The following PRKD1 variants were observed in gnomAD, a reference collection of about 807,000 sequenced individuals.
The protein encoded by PRKD1 is serine/threonine-protein kinase D1.
A neutral mutation model predicts 95.9 loss-of-function variants in PRKD1; 63 were observed. The observed-to-expected ratio is 0.66, with a 90% confidence interval of 0.54 to 0.81. The LOEUF is 0.81. PRKD1 is among the 30% of genes least tolerant of loss of function. The pLI is 0.00. For missense variants in PRKD1, 1,048 were observed against 1,165.3 expected (o/e 0.90, Z 1.47); for synonymous variants, 425 against 423.1 (o/e 1.00, Z -0.05).
chr14:29,656,559 A>T, intron 4 of PRKD1: 1 of 1,487,500 alleles, frequency 6.7e-7, no homozygotes, highest in Non-Finnish European at 9.1e-7. Flanking sequence ...AAGGAGAAAA[A>T]GACAGGAAAA....
intron 1 of PRKD1, among the ~76,000 whole-genome samples, chr14:29,858,889 A>G (rs975612407): frequency 3.9e-5 from 6 of 152,192 alleles, no homozygotes; most frequent in African/African-American, 9.6e-5. Context: ...TATTGCACCT[A>G]TAAGTGTCTG....
At position 29,599,833 on chromosome 14, in the gene PRKD1, A is replaced by G; in HGVS notation, c.1906-16T>C. The stretch of plus-strand genomic sequence containing the variant: ...GATGAAGGTTCTATTAAAGATAAAT[A>G]AAGCACTTGAAGAAAATGAGTTTTT... On this transcript the variant is annotated splice_polypyrimidine_tract_variant and intron_variant, in intron 13 of 17. Coordinates refer to ENST00000331968, the MANE Select transcript of PRKD1 (RefSeq NM_002742.3). 1 of 1,593,938 alleles carries G rather than the reference A, an allele frequency of 6.3e-7. No individual in the cohort carries two copies. The highest frequency in any genetic ancestry group is 8.5e-7 in the Non-Finnish European group (1 of 1,173,494).
chr14:29,665,881 C>T (rs558456252), intron 3 of PRKD1, among the ~76,000 whole-genome samples, 196 bp downstream of exon 3: 3 of 151,888 alleles, frequency 2.0e-5, no homozygotes, highest in East Asian at 1.9e-4. Flanking sequence ...CTCAACCAAA[C>T]GAGTGGATGA....
chr14:29,586,171 C>T (rs1159906683), intron 16 of PRKD1, among the ~76,000 whole-genome samples: 1 of 152,012 alleles, frequency 6.6e-6, no homozygotes, highest in Non-Finnish European at 1.5e-5. Flanking sequence ...CCCAAAGGGT[C>T]CTTGAATAGA....
intron 1 of PRKD1, among the ~76,000 whole-genome samples, chr14:29,847,858 C>T (rs947628598): frequency 1.3e-5 from 2 of 151,902 alleles, no homozygotes; most frequent in Non-Finnish European, 2.9e-5. Flanking sequence ...TGCATGCATG[C>T]GTGTTCTCTC....
At chr14:29,780,263 G>A (rs933095752) in intron 1 of PRKD1, among the ~76,000 whole-genome samples, 1 of 152,116 alleles carries the variant, frequency 6.6e-6, no homozygotes, top group East Asian at 1.9e-4. Flanking sequence ...AAAAGCAATG[G>A]CAACAAAAGC....
intron 2 of PRKD1, among the ~76,000 whole-genome samples, chr14:29,677,929 T>C (rs1883328853): frequency 6.6e-6 from 1 of 152,224 alleles, no homozygotes; most frequent in Non-Finnish European, 1.5e-5. Flanking sequence ...TATGATGCTG[T>C]TGATTTGAGT....
At chr14:29,917,852 GA>G (rs1018709994) in intron 1 of PRKD1, among the ~76,000 whole-genome samples, 1 of 151,892 alleles carries the variant, frequency 6.6e-6, no homozygotes, top group South Asian at 2.1e-4. Flanking sequence ...TTGGACTGAT[GA>G]AAAAAATGTG....
intron 1 of PRKD1, among the ~76,000 whole-genome samples, chr14:29,810,852 G>A (rs1207924478): frequency 6.6e-6 from 1 of 152,192 alleles, no homozygotes; most frequent in Non-Finnish European, 1.5e-5. Flanking sequence ...TTGCCAGCTG[G>A]GCAGTTTGCC....
chr14:29,628,870 ACTAAT>A (rs45601933), intron 11 of PRKD1, among the ~76,000 whole-genome samples, 166 bp downstream of exon 11: 48,288 of 151,352 alleles, frequency 0.32, 8,999 homozygotes, highest in African/African-American at 0.52. Context: ...TAGAAAAATT[ACTAAT>A]CTATATAATT....
chr14:29,706,890 T>A (rs1009418275), intron 2 of PRKD1, among the ~76,000 whole-genome samples: 4 of 152,126 alleles, frequency 2.6e-5, no homozygotes, highest in Non-Finnish European at 5.9e-5. Flanking sequence ...GAAGGATATA[T>A]GTGCTGAGTC....
At chr14:29,896,720 TAAA>T (rs34261706) in intron 1 of PRKD1, among the ~76,000 whole-genome samples, 3,801 of 134,074 alleles carry the variant, frequency 0.028, 68 homozygotes, top group Non-Finnish European at 0.047. Flanking sequence ...ATTAAACAGT[TAAA>T]AAAAAAAAAA....
At chr14:29,626,338 T>G in intron 12 of PRKD1, 146 bp downstream of exon 12, 1 of 661,330 alleles carries the variant, frequency 1.5e-6, no homozygotes. Flanking sequence ...CAAAAAAATT[T>G]TTTAAACGCA....
At chr14:29,587,731 TA>T (rs1262917131) in intron 16 of PRKD1, among the ~76,000 whole-genome samples, 1 of 152,210 alleles carries the variant, frequency 6.6e-6, no homozygotes. Flanking sequence ...GGTATATATG[TA>T]AAAAAATCAC....
At chr14:29,691,842 CA>C (rs1426413546) in intron 2 of PRKD1, among the ~76,000 whole-genome samples, 1 of 151,942 alleles carries the variant, frequency 6.6e-6, no homozygotes, top group Admixed American at 6.6e-5. Context: ...TTGTCGTCAC[CA>C]TATCACAAAC....
intron 1 of PRKD1, among the ~76,000 whole-genome samples, chr14:29,886,630 CTT>C (rs1198922173): frequency 2.6e-5 from 4 of 152,314 alleles, no homozygotes; most frequent in African/African-American, 7.2e-5. Flanking sequence ...AATGAAAAAA[CTT>C]ATTCTATCAC....
intron 2 of PRKD1, among the ~76,000 whole-genome samples, chr14:29,688,761 A>C (rs1325394835): frequency 6.6e-6 from 1 of 151,852 alleles, no homozygotes; most frequent in East Asian, 1.9e-4. Flanking sequence ...GTGAAACCTC[A>C]TCTCTACTAA....
intron 2 of PRKD1, among the ~76,000 whole-genome samples, chr14:29,682,551 C>T (rs1462206062): frequency 1.3e-5 from 2 of 152,124 alleles, no homozygotes; most frequent in Non-Finnish European, 2.9e-5. Context: ...TATTAAATGG[C>T]TTTATGTTTC....
chr14:29,663,857 AC>A lies in PRKD1; in HGVS notation c.537del (p.Cys180ValfsTer3). 6.2e-7 allele frequency: 1 copy of A among 1,612,944 alleles called. No homozygotes were observed. Among genetic ancestry groups the A allele is most frequent in the Non-Finnish European group, 8.5e-7 (1 of 1,179,110 alleles). On this transcript the variant is annotated frameshift_variant and splice_region_variant, in exon 4 of 18. Coordinates refer to ENST00000331968, the MANE Select transcript of PRKD1 (RefSeq NM_002742.3). LOFTEE classifies it high-confidence loss of function. ...GLVRQGLKCE[G>X]CGLNYHKRCA... The stretch of plus-strand genomic sequence containing the variant: ...CATCTCTTATGGTAATTCAGACCAC[AC>A]CCTGGAAAGGGAAAATAAAAATTAT...
Sources: allele counts gnomAD v4.1 joint callset (sites outside exome capture counted in the v4.1 genomes callset), GRCh38; gene constraint gnomAD v4.1.1; transcripts MANE v1.5; gene names NCBI Gene and HGNC (gene_info 2026-07-23, HGNC 2026-07-21).